Variants in RBFOX1 observed in about 807,000 individuals in gnomAD.
The protein encoded by RBFOX1 is RNA binding protein fox-1 homolog 1.
RBFOX1 carries 8 observed loss-of-function variants against 57.7 expected under a neutral mutation model. That is an observed-to-expected ratio of 0.14 (90% CI 0.08 to 0.25). The LOEUF (loss-of-function observed/expected upper bound fraction) is 0.25. RBFOX1 is among the 10% of genes least tolerant of loss of function. The pLI is 1.00. For synonymous variants in RBFOX1, 326 were observed against 222.4 expected, an observed-to-expected ratio of 1.47 and a Z score of -4.15; for missense variants, 611 against 548.5, an observed-to-expected ratio of 1.11 and a Z score of -1.14.
At chr16:5,982,042 A>G (rs2152310993) in intron 4 of RBFOX1, among the ~76,000 whole-genome samples, 1 of 152,292 alleles carries the variant, frequency 6.6e-6, no homozygotes, top group Non-Finnish European at 1.5e-5. Context: ...GTCTGTCAAA[A>G]GGCCAGGACA....
chr16:6,881,548 C>T (rs1322296722), intron 3 of RBFOX1, among the ~76,000 whole-genome samples: 1 of 152,174 alleles, frequency 6.6e-6, no homozygotes, highest in African/African-American at 2.4e-5. Flanking sequence ...TGTGTCCAAA[C>T]ATGCATACTC....
chr16:7,038,510 G>C (rs2045201351), intron 3 of RBFOX1, among the ~76,000 whole-genome samples: 1 of 152,096 alleles, frequency 6.6e-6, no homozygotes, highest in South Asian at 2.1e-4. Context: ...TAAATAATAG[G>C]CAATATGTTT....
chr16:6,006,804 A>C (rs962195089), intron 4 of RBFOX1, among the ~76,000 whole-genome samples: 4 of 152,236 alleles, frequency 2.6e-5, no homozygotes, highest in Non-Finnish European at 5.9e-5. Context: ...CAATGAGTGG[A>C]AATGAGGGGA....
At chr16:5,303,079 G>A (rs967353990) in intron 1 of RBFOX1, among the ~76,000 whole-genome samples, 1 of 152,062 alleles carries the variant, frequency 6.6e-6, no homozygotes, top group Non-Finnish European at 1.5e-5. Context: ...TTTTTGGGGT[G>A]TTGCTTTGGT....
At chr16:6,038,810 G>T (rs2095403642) in intron 1 of RBFOX1, 1 of 145,734 alleles carries the variant, frequency 6.9e-6, no homozygotes, top group Non-Finnish European at 1.5e-5. Flanking sequence ...TTGGATTTTT[G>T]GTTATCCTTC....
chr16:5,445,880 G>A (rs2068225199), intron 1 of RBFOX1, among the ~76,000 whole-genome samples: 1 of 152,182 alleles, frequency 6.6e-6, no homozygotes, highest in Admixed American at 6.5e-5. Flanking sequence ...TTTCCTCAGG[G>A]TTAGTTCTTT....
At chr16:5,532,827 A>G (rs2044541304) in intron 2 of RBFOX1, among the ~76,000 whole-genome samples, 1 of 152,154 alleles carries the variant, frequency 6.6e-6, no homozygotes, top group Non-Finnish European at 1.5e-5. Context: ...AGCTGTGGGC[A>G]GAGTTGTGAA....
chr16:6,506,299 C>T (rs1226403583), intron 2 of RBFOX1, among the ~76,000 whole-genome samples: 1 of 151,924 alleles, frequency 6.6e-6, no homozygotes, highest in Non-Finnish European at 1.5e-5. Flanking sequence ...GTGACAGCAG[C>T]CAGCAGGGAG....
At chr16:7,552,079 G>A (rs2086724499) in intron 5 of RBFOX1, among the ~76,000 whole-genome samples, 1 of 152,174 alleles carries the variant, frequency 6.6e-6, no homozygotes. Context: ...ATTGTCACGT[G>A]TGTCAGTCAT....
intron 1 of RBFOX1, among the ~76,000 whole-genome samples, chr16:6,036,770 A>G (rs964891968): frequency 2.0e-5 from 3 of 152,218 alleles, no homozygotes; most frequent in Admixed American, 6.5e-5. Flanking sequence ...AGGGCTTGAA[A>G]TTGCATTTAA....
At chr16:7,637,170 C>A (rs570754037) in intron 11 of RBFOX1, among the ~76,000 whole-genome samples, 24 of 151,994 alleles carry the variant, frequency 1.6e-4, no homozygotes, top group African/African-American at 5.8e-4. Flanking sequence ...TCCATGAAAG[C>A]CAGAGTTGAA....
chr16:6,889,653 C>A (rs191610254), intron 3 of RBFOX1, among the ~76,000 whole-genome samples: 1 of 152,276 alleles, frequency 6.6e-6, no homozygotes, highest in African/African-American at 2.4e-5. Flanking sequence ...ATCCTCAATC[C>A]ACCAGCTTCC....
intron 4 of RBFOX1, among the ~76,000 whole-genome samples, chr16:7,322,586 C>T (rs1437621497): frequency 6.6e-6 from 1 of 152,190 alleles, no homozygotes; most frequent in Non-Finnish European, 1.5e-5. Context: ...CATCAACTCT[C>T]TACAATGATG....
At chr16:6,038,550 A>ATC (rs545100638) in intron 1 of RBFOX1, 262 of 139,092 alleles carry the variant, frequency 1.9e-3, no homozygotes, top group African/African-American at 6.4e-3. Context: ...ATATATATAT[A>ATC]TCATCCATAT....
Position 6,227,070 on chromosome 16 carries a change from G to A in RBFOX1, c.-126-89925G>A, listed in dbSNP as rs375770379. On this transcript the variant is annotated intron_variant, in intron 1 of 15. Coordinates refer to ENST00000550418, the MANE Select transcript of RBFOX1 (RefSeq NM_018723.4). ...ATCTGGGAGGCAGAGGTTGCAGTGA[G>A]CCGAGATTGTGCCACTGAACTCCAG... is the stretch of plus-strand genomic sequence containing the variant. 3.3e-5 allele frequency among the ~76,000 whole-genome samples: 5 copies of A among 152,098 alleles called. 1 individual carries two copies. The highest frequency in any genetic ancestry group is 1.2e-4 in the African/African-American group (5 of 41,490).
chr16:7,168,259 A>G (rs905541980), intron 4 of RBFOX1, among the ~76,000 whole-genome samples: 2 of 152,062 alleles, frequency 1.3e-5, no homozygotes, highest in Non-Finnish European at 1.5e-5. Context: ...GAATTTTTGG[A>G]GAGTCTGAGT....
At chr16:7,303,201 C>G (rs1194046501) in intron 4 of RBFOX1, among the ~76,000 whole-genome samples, 1 of 152,236 alleles carries the variant, frequency 6.6e-6, no homozygotes, top group Non-Finnish European at 1.5e-5. Flanking sequence ...GCTGCCTGCC[C>G]AACCAAGGCG....
intron 3 of RBFOX1, among the ~76,000 whole-genome samples, chr16:6,681,288 A>C (rs1389658441): frequency 6.6e-6 from 1 of 152,200 alleles, no homozygotes; most frequent in South Asian, 2.1e-4. Context: ...ACTGCACTCC[A>C]GTTTAGGTGA....
chr16:6,945,681 A>G (rs1433943303), intron 3 of RBFOX1, among the ~76,000 whole-genome samples: 1 of 152,136 alleles, frequency 6.6e-6, no homozygotes, highest in Admixed American at 6.6e-5. Flanking sequence ...ACCTGAGGTC[A>G]GGAGTTCAAG....
Sources: gnomAD v4.1 joint callset for allele counts (sites outside exome capture counted in the v4.1 genomes callset) on GRCh38, gnomAD v4.1.1 for gene constraint, MANE v1.5 for transcripts, NCBI Gene and HGNC (gene_info 2026-07-23, HGNC 2026-07-21) for gene names.